MDFIC2: variants seen among roughly 807,000 people sequenced by gnomAD.
MDFIC2 encodes MyoD family inhibitor domain containing 2, also known as myoD family inhibitor domain-containing protein 2.
chr3:70,201,847 T>C (rs1671782975), intron 3 of MDFIC2, among the ~76,000 whole-genome samples: 1 of 152,298 alleles, frequency 6.6e-6, no homozygotes, highest in South Asian at 2.1e-4. Context: ...CACTTGCTCT[T>C]AGTGGCTTCT....
intron 2 of MDFIC2, among the ~76,000 whole-genome samples, chr3:70,274,056 CGTGTGT>C (rs111792704): frequency 2.8e-5 from 4 of 142,852 alleles, no homozygotes; most frequent in Non-Finnish European, 4.6e-5. Context: ...ATTAAACCTC[CGTGTGT>C]GTGTGTGTGT....
intron 2 of MDFIC2, among the ~76,000 whole-genome samples, chr3:70,236,549 A>G (rs559088619): frequency 1.3e-5 from 2 of 152,280 alleles, no homozygotes; most frequent in African/African-American, 4.8e-5. Context: ...TTAATTTTTT[A>G]AAGTCCATAC....
intron 2 of MDFIC2, among the ~76,000 whole-genome samples, chr3:70,272,639 C>T (rs999914981): frequency 4.6e-5 from 7 of 152,214 alleles, no homozygotes; most frequent in South Asian, 2.1e-4. Context: ...ATTGCCCAGT[C>T]GAATGGCAGG....
At chr3:70,271,476 A>T (rs1184016053) in intron 2 of MDFIC2, among the ~76,000 whole-genome samples, 1 of 152,168 alleles carries the variant, frequency 6.6e-6, no homozygotes, top group Non-Finnish European at 1.5e-5. Flanking sequence ...AATTTGTATG[A>T]CAAATTTCTG....
chr3:70,293,074 A>G lies in MDFIC2; in HGVS notation c.88+18812T>C, dbSNP rs73102698. On this transcript the variant is annotated intron_variant, in intron 2 of 3. Coordinates refer to ENST00000567252, the MANE Select transcript of MDFIC2 (RefSeq NM_001364677.1). The stretch of plus-strand genomic sequence containing the variant: ...AAAAAAAAAAAAAAAAAAAAAAAGT[A>G]GCATATTACATGACGAGAAGAAAGA... 8.6e-4 allele frequency among the ~76,000 whole-genome samples: 119 copies of G among 138,728 alleles called. 1 individual carries two copies. The highest frequency in any genetic ancestry group is 1.5e-3 in the Non-Finnish European group (97 of 63,768). The allele number at this position is 138,728 out of a possible 152,430, so 91.0% of individuals were successfully genotyped here.
intron 2 of MDFIC2, among the ~76,000 whole-genome samples, chr3:70,306,928 ATTGACT>A (rs1187539432): frequency 1.3e-5 from 2 of 152,128 alleles, no homozygotes; most frequent in African/African-American, 4.8e-5. Flanking sequence ...ATATATACAC[ATTGACT>A]TTGACTTTGC....
At chr3:70,240,747 G>A (rs942565749) in intron 2 of MDFIC2, among the ~76,000 whole-genome samples, 5 of 152,070 alleles carry the variant, frequency 3.3e-5, no homozygotes, top group Admixed American at 6.6e-5. Context: ...TATTCTGCAC[G>A]AGAAGACAGA....
chr3:70,234,816 T>C (rs2106747606), intron 2 of MDFIC2, among the ~76,000 whole-genome samples: 1 of 152,326 alleles, frequency 6.6e-6, no homozygotes, highest in South Asian at 2.1e-4. Context: ...TTTTAATTGG[T>C]GCTGCTTAAG....
intron 2 of MDFIC2, among the ~76,000 whole-genome samples, chr3:70,306,502 C>T (rs948295780): frequency 2.2e-4 from 34 of 151,972 alleles, no homozygotes; most frequent in African/African-American, 7.7e-4. Context: ...CTACAGAACT[C>T]TCATCTTTCA....
In MDFIC2 at chr3:70,287,572, T is replaced by C. The variant is rs991278540; in HGVS notation, c.88+24314A>G. Among the ~76,000 whole-genome samples the C allele has an allele frequency of 1.8e-3, 275 of 152,212 alleles. 1 individual carries two copies. The highest frequency in any genetic ancestry group is 6.4e-3 in the African/African-American group (264 of 41,556). On this transcript the variant is annotated intron_variant, in intron 2 of 3. Coordinates refer to ENST00000567252, the MANE Select transcript of MDFIC2 (RefSeq NM_001364677.1). ...TGGTATCAGAATGATGCTGGCCTCA[T>C]AAAATGAGTGAGGGAGGATTCCCTC...
chr3:70,291,549 T>G (rs149711533), intron 2 of MDFIC2, among the ~76,000 whole-genome samples: 1 of 152,314 alleles, frequency 6.6e-6, no homozygotes, highest in African/African-American at 2.4e-5. Flanking sequence ...CATCACATTC[T>G]GAGATTCTCA....
intron 2 of MDFIC2, among the ~76,000 whole-genome samples, chr3:70,208,309 C>A (rs1701310878): frequency 6.6e-6 from 1 of 151,978 alleles, no homozygotes; most frequent in Non-Finnish European, 1.5e-5. Context: ...CAATTGGCAA[C>A]CTGGTTTGAT....
chr3:70,283,786 G>A (rs13078037), intron 2 of MDFIC2: 66,312 of 146,430 alleles, frequency 0.45, 14,899 homozygotes, highest in East Asian at 0.65. Context: ...AAAAAAAAAA[G>A]AGAGAGAAGA....
intron 2 of MDFIC2, among the ~76,000 whole-genome samples, chr3:70,262,544 C>G (rs188734482): frequency 1.7e-3 from 259 of 152,186 alleles, no homozygotes; most frequent in African/African-American, 6.0e-3. Context: ...GCCTTATTTA[C>G]TGTCATAATA....
At chr3:70,235,951 A>G (rs1258657507) in intron 2 of MDFIC2, among the ~76,000 whole-genome samples, 2 of 152,316 alleles carry the variant, frequency 1.3e-5, no homozygotes, top group Admixed American at 6.5e-5. Context: ...TTTTCCCACC[A>G]TCATGATTCT....
At chr3:70,213,673 G>T (rs59892538) in intron 2 of MDFIC2, among the ~76,000 whole-genome samples, 1 of 152,226 alleles carries the variant, frequency 6.6e-6, no homozygotes, top group East Asian at 1.9e-4. Flanking sequence ...TGAAAATTTT[G>T]TGAAGTTCAT....
At chr3:70,210,135 G>A (rs774234321) in intron 2 of MDFIC2, among the ~76,000 whole-genome samples, 1 of 152,032 alleles carries the variant, frequency 6.6e-6, no homozygotes, top group Non-Finnish European at 1.5e-5. Context: ...AAGAACATGC[G>A]GCGAATACAG....
intron 2 of MDFIC2, among the ~76,000 whole-genome samples, chr3:70,264,519 A>G (rs770933859): frequency 3.9e-5 from 6 of 152,216 alleles, no homozygotes; most frequent in Non-Finnish European, 7.3e-5. Flanking sequence ...GAGAATAACC[A>G]TGAGAATTTA....
intron 2 of MDFIC2, among the ~76,000 whole-genome samples, chr3:70,280,510 A>T (rs1464032603): frequency 6.6e-6 from 1 of 152,084 alleles, no homozygotes; most frequent in Non-Finnish European, 1.5e-5. Context: ...TTTCTAGGGG[A>T]GCTGAGCTGA....
Sources: gnomAD v4.1 joint callset for allele counts (sites outside exome capture counted in the v4.1 genomes callset) on GRCh38, gnomAD v4.1.1 for gene constraint, MANE v1.5 for transcripts, NCBI Gene and HGNC (gene_info 2026-07-23, HGNC 2026-07-21) for gene names.